Variants in FNDC3A observed in about 807,000 individuals in gnomAD.
FNDC3A encodes fibronectin type-III domain-containing protein 3A.
Under a neutral mutation model 148.9 loss-of-function variants are expected in FNDC3A, and 32 were observed. The observed-to-expected ratio is 0.21, with a 90% CI of 0.16 to 0.29. The LOEUF is 0.29. Among genes scored for constraint, FNDC3A ranks in the 10% least tolerant of loss-of-function variants. The pLI is 1.00. For missense variants in FNDC3A, 1,191 were observed against 1,452.8 expected (o/e 0.82, Z 2.93); for synonymous variants, 472 against 473.6 (o/e 1.00, Z 0.04).
chr13:49,088,720 CT>C (rs61143344), intron 3 of FNDC3A, among the ~76,000 whole-genome samples: 1 of 151,962 alleles, frequency 6.6e-6, no homozygotes, highest in Non-Finnish European at 1.5e-5. Context: ...CCTTCTCAGT[CT>C]TTTTTTCTTT....
At chr13:49,123,160 G>A (rs867503154) in intron 4 of FNDC3A, among the ~76,000 whole-genome samples, 2 of 151,884 alleles carry the variant, frequency 1.3e-5, no homozygotes, top group Non-Finnish European at 2.9e-5. Flanking sequence ...ATATAGACCA[G>A]TGGAACAGAA....
intron 2 of FNDC3A, 108 bp from the exon 3 acceptor site, chr13:49,075,181 C>T: frequency 1.8e-6 from 1 of 560,350 alleles, no homozygotes; most frequent in Non-Finnish European, 3.1e-6. Context: ...CCCCATTTTC[C>T]TTCCCAGTTT....
intron 4 of FNDC3A, among the ~76,000 whole-genome samples, chr13:49,126,875 T>TA (rs1468016317): frequency 6.6e-6 from 1 of 152,232 alleles, no homozygotes; most frequent in Non-Finnish European, 1.5e-5. Flanking sequence ...ATTTCAGTGT[T>TA]ACAAATATCC....
At chr13:49,030,163 A>T (rs894072304) in intron 2 of FNDC3A, among the ~76,000 whole-genome samples, 1 of 152,206 alleles carries the variant, frequency 6.6e-6, no homozygotes, top group African/African-American at 2.4e-5. Flanking sequence ...AAGTCCATGA[A>T]CATATACAAT....
intron 7 of FNDC3A, among the ~76,000 whole-genome samples, chr13:49,142,097 T>TA (rs1201566530): frequency 6.6e-6 from 1 of 152,228 alleles, no homozygotes; most frequent in African/African-American, 2.4e-5. Flanking sequence ...CTTCTAACAT[T>TA]AGCATACAAA....
intron 3 of FNDC3A, among the ~76,000 whole-genome samples, chr13:49,076,896 A>G (rs1166736202): frequency 6.6e-6 from 1 of 152,184 alleles, no homozygotes; most frequent in East Asian, 1.9e-4. Flanking sequence ...CACTTTGGGG[A>G]CACATACCAT....
intron 3 of FNDC3A, among the ~76,000 whole-genome samples, chr13:49,095,846 AG>A (rs1480945833): frequency 1.3e-5 from 2 of 152,102 alleles, no homozygotes; most frequent in African/African-American, 4.8e-5. Context: ...AACGTTATAA[AG>A]AAACTACCGT....
At chr13:49,077,724 A>T (rs1015833623) in intron 3 of FNDC3A, among the ~76,000 whole-genome samples, 1 of 152,204 alleles carries the variant, frequency 6.6e-6, no homozygotes, top group African/African-American at 2.4e-5. Flanking sequence ...GCACCAAACC[A>T]CCATGGCACA....
chr13:49,057,595 T>C (rs938114239), intron 2 of FNDC3A, among the ~76,000 whole-genome samples: 2 of 152,232 alleles, frequency 1.3e-5, no homozygotes, highest in African/African-American at 4.8e-5. Flanking sequence ...CCAATATTCA[T>C]GTTGCCATTA....
At position 49,191,218 on chromosome 13, in the gene FNDC3A, T is replaced by C. The variant is rs1885868651; in HGVS notation, c.2060T>C (p.Leu687Pro). The C allele has an allele frequency of 5.0e-6, 8 of 1,608,100 alleles. No individual in the cohort carries two copies. Among genetic ancestry groups the C allele is most frequent in the South Asian group, 2.2e-5 (2 of 89,920 alleles). The change falls in exon 19 of 26, where the codon CTG becomes CCG. Residue 687 changes from leucine to proline, a missense_variant. Physicochemically the swap from Leu to Pro is moderately conservative, Grantham distance 98. This residue lies in a region of FNDC3A where 751 missense variants were observed against 944.0 expected (regional missense o/e 0.80). Transcript: ENST00000492622. Reference sequence around the variant, plus strand: ...TCTTTCCATCTTTTAGGACCCCCTCTGGTTGATGGTGGATCACCCATTTCC... The same window carrying C: ...TCTTTCCATCTTTTAGGACCCCCTCCGGTTGATGGTGGATCACCCATTTCC... Reference protein sequence around the residue: ...KEIQLRWGPPLVDGGSPISCY... With the variant: ...KEIQLRWGPPPVDGGSPISCY...
intron 8 of FNDC3A, among the ~76,000 whole-genome samples, chr13:49,151,211 A>C (rs1340694836): frequency 6.6e-6 from 1 of 152,174 alleles, no homozygotes; most frequent in Non-Finnish European, 1.5e-5. Context: ...ATTTTATTGG[A>C]GTCTGTCTCT....
intron 3 of FNDC3A, among the ~76,000 whole-genome samples, chr13:49,096,983 C>T (rs917487860): frequency 3.3e-5 from 5 of 151,970 alleles, no homozygotes; most frequent in African/African-American, 1.2e-4. Context: ...TTAGAGGAAA[C>T]GGAAAAACTG....
intron 3 of FNDC3A, among the ~76,000 whole-genome samples, chr13:49,099,368 A>T (rs1391981785): frequency 6.6e-6 from 1 of 152,116 alleles, no homozygotes; most frequent in Non-Finnish European, 1.5e-5. Flanking sequence ...ACAGTAAGTG[A>T]AAGTGTGCTT....
chr13:49,004,345 G>A (rs989329923), intron 1 of FNDC3A, among the ~76,000 whole-genome samples: 23 of 152,174 alleles, frequency 1.5e-4, no homozygotes, highest in Admixed American at 6.5e-4. Context: ...ATTACTTTGC[G>A]TGTGATAGAT....
intron 2 of FNDC3A, among the ~76,000 whole-genome samples, chr13:49,066,208 TTAAAATAGTCA>T (rs1288130654): frequency 6.6e-6 from 1 of 152,206 alleles, no homozygotes; most frequent in Non-Finnish European, 1.5e-5. Flanking sequence ...GTTTTGGTTA[TTAAAATAGTCA>T]TTTGGAGCCA....
intron 1 of FNDC3A, among the ~76,000 whole-genome samples, chr13:49,002,020 C>T (rs1453244628): frequency 6.6e-6 from 1 of 152,130 alleles, no homozygotes; most frequent in Non-Finnish European, 1.5e-5. Context: ...GACATGTCTC[C>T]CCCAGACACC....
intron 3 of FNDC3A, among the ~76,000 whole-genome samples, chr13:49,109,304 A>C (rs1198580854): frequency 6.6e-6 from 1 of 152,194 alleles, no homozygotes; most frequent in East Asian, 1.9e-4. Context: ...CATTCTCACA[A>C]CAATGCTATG....
intron 2 of FNDC3A, among the ~76,000 whole-genome samples, chr13:49,017,377 G>C (rs553800804): frequency 1.3e-5 from 2 of 152,142 alleles, no homozygotes; most frequent in South Asian, 4.1e-4. Flanking sequence ...TGTCTCTTTT[G>C]ATCTTTGTTG....
intron 3 of FNDC3A, among the ~76,000 whole-genome samples, chr13:49,096,736 A>G (rs1041122003): frequency 2.0e-5 from 3 of 152,104 alleles, no homozygotes; most frequent in Admixed American, 6.6e-5. Flanking sequence ...CTCACAGCCT[A>G]GTACAACAGA....
Sources: allele counts gnomAD v4.1 joint callset (sites outside exome capture counted in the v4.1 genomes callset), GRCh38; gene constraint gnomAD v4.1.1; regional missense constraint gnomAD v4.1.1; transcripts MANE v1.5; gene names NCBI Gene and HGNC (gene_info 2026-07-23, HGNC 2026-07-21).